TPTE2: variants seen among roughly 807,000 people sequenced by gnomAD.
The protein encoded by TPTE2 is phosphatidylinositol 3,4,5-trisphosphate 3-phosphatase TPTE2.
Under a neutral mutation model 78.6 loss-of-function variants are expected in TPTE2, and 53 were observed. The ratio of observed to expected loss-of-function variants is 0.67; its 90% CI spans 0.54 to 0.85. The LOEUF is 0.85. Ranked by LOEUF, TPTE2 falls within the 40% of genes least tolerant of loss-of-function variation. The pLI is 0.00. For missense variants in TPTE2, 461 were observed against 623.0 expected (o/e 0.74, Z 2.77); for synonymous variants, 175 against 206.2 (o/e 0.85, Z 1.30).
the TPTE2 span, among the ~76,000 whole-genome samples, chr13:19,551,719 CT>C: frequency 2.6e-5 from 4 of 152,100 alleles, no homozygotes; most frequent in East Asian, 7.7e-4. Flanking sequence ...CTAAATATTT[CT>C]GATATTTAAG....
intron 5 of TPTE2, among the ~76,000 whole-genome samples, chr13:19,475,137 C>T (rs1286215083): frequency 6.6e-6 from 1 of 152,028 alleles, no homozygotes; most frequent in Non-Finnish European, 1.5e-5. Context: ...AGTGGAAATG[C>T]TCTTTTGTTA....
intron 15 of TPTE2, among the ~76,000 whole-genome samples, chr13:19,433,545 C>A (rs1233805297): frequency 6.6e-6 from 1 of 152,134 alleles, no homozygotes; most frequent in African/African-American, 2.4e-5. Context: ...CTCATAAGTT[C>A]ACAGACTGTT....
intron 14 of TPTE2, among the ~76,000 whole-genome samples, chr13:19,437,348 G>C (rs1182923014): frequency 6.6e-6 from 1 of 152,196 alleles, no homozygotes; most frequent in African/African-American, 2.4e-5. Context: ...GGAAATGGTA[G>C]CATCTCAGCA....
Position 19,503,167 on chromosome 13 carries a change from A to C in TPTE2, c.11+57T>G, listed in dbSNP as rs1382106522. 1.3e-4 allele frequency: 217 copies of C among 1,611,104 alleles called. 1 individual carries two copies. The South Asian group carries it at 1.6e-3, about 12-fold the overall frequency. On this transcript the variant is annotated intron_variant, in intron 1 of 19. Transcript: ENST00000400230. Reference sequence around the variant, plus strand: ...TTTGTTTATGTGCCTGTGTGTGTGAATACTTCTATGCTCAGTTATAATTAG... The same window carrying C: ...TTTGTTTATGTGCCTGTGTGTGTGACTACTTCTATGCTCAGTTATAATTAG...
chr13:19,506,454 T>TG (rs1474852922), upstream of TPTE2, among the ~76,000 whole-genome samples: 3 of 152,118 alleles, frequency 2.0e-5, no homozygotes, highest in African/African-American at 7.2e-5. Context: ...ATTACAGGCG[T>TG]GAGCCACCGC....
the TPTE2 span, among the ~76,000 whole-genome samples, chr13:19,550,549 G>A: frequency 6.6e-6 from 1 of 152,168 alleles, no homozygotes; most frequent in Non-Finnish European, 1.5e-5. Flanking sequence ...TATAGAAACA[G>A]GGATGATGAT....
upstream of TPTE2, chr13:19,503,318 A>G: frequency 1.2e-6 from 2 of 1,608,018 alleles, no homozygotes; most frequent in Non-Finnish European, 1.7e-6. Context: ...AGGAGACACA[A>G]TTCAAAATTT....
intron 18 of TPTE2, chr13:19,425,727 T>G: frequency 3.9e-6 from 2 of 516,390 alleles, no homozygotes; most frequent in Non-Finnish European, 7.7e-6. Context: ...AGGCTTCCAC[T>G]CTCAGGTCCC....
In TPTE2 at chr13:19,489,733, T is replaced by TAC. The variant is rs577700623; in HGVS notation, c.119+3115_119+3116dup. 4.5e-3 allele frequency among the ~76,000 whole-genome samples: 628 copies of TAC among 140,162 alleles called. 5 individuals are homozygous for TAC. Among genetic ancestry groups the TAC allele is most frequent in the South Asian group, 0.029 (124 of 4,288 alleles). 92.0% of individuals were successfully genotyped at this position (140,162 alleles called of 152,430 possible). On this transcript the variant is annotated intron_variant, in intron 3 of 19. Coordinates refer to ENST00000400230, the Ensembl canonical transcript of TPTE2. ...TAAAAGATATATCTGTATATATATA[T>TAC]ACACACACACATATATACATGTGTG...
chr13:19,474,555 A>G (rs1430164973), intron 5 of TPTE2, among the ~76,000 whole-genome samples: 2 of 152,212 alleles, frequency 1.3e-5, no homozygotes, highest in Non-Finnish European at 2.9e-5. Flanking sequence ...TAAAAGACCA[A>G]GATTTTTCAT....
chr13:19,496,888 T>C (rs1424309999), intron 1 of TPTE2, among the ~76,000 whole-genome samples: 4 of 152,172 alleles, frequency 2.6e-5, no homozygotes, highest in Non-Finnish European at 4.4e-5. Context: ...TCTGAGGTAC[T>C]GGGTTCATCT....
At chr13:19,531,550 A>G (rs1870867550) in intron 1 of TPTE2, among the ~76,000 whole-genome samples, 1 of 152,032 alleles carries the variant, frequency 6.6e-6, no homozygotes, top group African/African-American at 2.4e-5. Flanking sequence ...AAATATGATC[A>G]TGTCAGTTTG....
At chr13:19,517,342 C>T (rs1030851246) in intron 1 of TPTE2, among the ~76,000 whole-genome samples, 1 of 152,142 alleles carries the variant, frequency 6.6e-6, no homozygotes, top group Non-Finnish European at 1.5e-5. Context: ...CTTGTTAAAT[C>T]AAATCTTGAC....
intron 1 of TPTE2, among the ~76,000 whole-genome samples, chr13:19,526,869 G>C (rs1273187174): frequency 6.6e-6 from 1 of 152,080 alleles, no homozygotes; most frequent in Non-Finnish European, 1.5e-5. Flanking sequence ...TGATGTATAG[G>C]TAATCTCTTC....
chr13:19,525,169 A>G (rs1390001611), intron 1 of TPTE2, among the ~76,000 whole-genome samples: 1 of 152,114 alleles, frequency 6.6e-6, no homozygotes, highest in Non-Finnish European at 1.5e-5. Context: ...TTGAGAGGAG[A>G]GACAGATTTG....
chr13:19,483,550 A>G (rs1593387845), intron 3 of TPTE2, among the ~76,000 whole-genome samples: 1 of 151,802 alleles, frequency 6.6e-6, no homozygotes, highest in East Asian at 1.9e-4. Flanking sequence ...TTTCTTAATT[A>G]GTCTAGCTAA....
chr13:19,499,523 A>G (rs1285982836), intron 1 of TPTE2, among the ~76,000 whole-genome samples: 2 of 140,654 alleles, frequency 1.4e-5, no homozygotes, highest in East Asian at 4.0e-4. Context: ...CTACATGGAA[A>G]CTGAACAACC....
the TPTE2 span, among the ~76,000 whole-genome samples, chr13:19,547,285 T>C: frequency 3.3e-5 from 5 of 152,168 alleles, no homozygotes; most frequent in Non-Finnish European, 7.4e-5. Flanking sequence ...AGAGAAATCC[T>C]ATCCCTAATA....
Position 19,460,302 on chromosome 13 carries a change from G to A in TPTE2, c.741+4154C>T, listed in dbSNP as rs777213278. On this transcript the variant is annotated intron_variant, in intron 10 of 19. Transcript: ENST00000400230. Reference sequence around the variant, plus strand: ...TCACTGCTTCCCTTGGCTGGGAGTCGGGTTTCCTTTGGCTCCATGCCGCCC... The same window carrying A: ...TCACTGCTTCCCTTGGCTGGGAGTCAGGTTTCCTTTGGCTCCATGCCGCCC... Among the ~76,000 whole-genome samples, 3 of 152,198 alleles carry A rather than the reference G, an allele frequency of 2.0e-5. No homozygotes were observed. In the South Asian group the frequency reaches 6.2e-4, roughly 32 times the overall value.
Sources: allele counts gnomAD v4.1 joint callset (sites outside exome capture counted in the v4.1 genomes callset), GRCh38; gene constraint gnomAD v4.1.1; transcripts MANE v1.5; gene names NCBI Gene and HGNC (gene_info 2026-07-23, HGNC 2026-07-21).